Variants in IQSEC1 observed in about 807,000 individuals in gnomAD.
IQSEC1 encodes the protein IQ motif and Sec7 domain ArfGEF 1, also known as IQ motif and SEC7 domain-containing protein 1.
A neutral mutation model predicts 91.0 loss-of-function variants in IQSEC1; 31 were observed. The ratio of observed to expected loss-of-function variants is 0.34; its 90% CI spans 0.26 to 0.46. The LOEUF (loss-of-function observed/expected upper bound fraction) is 0.46, where lower values mean the gene tolerates loss of function less well. Ranked by LOEUF, IQSEC1 falls within the 20% of genes least tolerant of loss-of-function variation. The pLI is 1.00. For synonymous variants in IQSEC1, 699 were observed against 662.6 expected, an observed-to-expected ratio of 1.05 and a Z score of -0.84; for missense variants, 1,388 against 1,575.6, an observed-to-expected ratio of 0.88 and a Z score of 2.02.
chr3:13,122,489 G>A (rs1408205693), intron 2 of IQSEC1, among the ~76,000 whole-genome samples: 1 of 152,088 alleles, frequency 6.6e-6, no homozygotes, highest in East Asian at 1.9e-4. Flanking sequence ...AGGAAGTGAG[G>A]GGTATGGGAT....
At chr3:13,253,049 T>C (rs914194520) in intron 1 of IQSEC1, among the ~76,000 whole-genome samples, 13 of 152,204 alleles carry the variant, frequency 8.5e-5, no homozygotes, top group Non-Finnish European at 1.5e-5. Flanking sequence ...ATCTACGTTT[T>C]TGATAGTAGC....
intron 1 of IQSEC1, chr3:13,015,636 G>GCGGCCC (rs1703089594): frequency 1.0e-6 from 1 of 985,204 alleles, no homozygotes; most frequent in Admixed American, 6.1e-5. Context: ...GCCTGCCTCT[G>GCGGCCC]CGGCCCCGGG....
chr3:13,243,549 C>G (rs540410670), intron 1 of IQSEC1, among the ~76,000 whole-genome samples: 1 of 152,344 alleles, frequency 6.6e-6, no homozygotes, highest in East Asian at 1.9e-4. Context: ...CCCACCCCAT[C>G]TCTGTCTCTC....
At position 12,898,534 on chromosome 3, in the gene IQSEC1, G is replaced by GA. The variant is rs1160699491; in HGVS notation, c.*2448dup. 1 of 152,204 alleles carries GA rather than the reference G, an allele frequency of 6.6e-6. No individual in the cohort carries two copies. Among genetic ancestry groups the GA allele is most frequent in the Non-Finnish European group, 1.5e-5 (1 of 68,060 alleles). The allele number at this position is 152,204 out of a possible 1,614,324, so 9.4% of individuals were successfully genotyped here. On this transcript the variant is annotated 3_prime_UTR_variant, in exon 14 of 14. Transcript: ENST00000613206. Reference sequence around the variant, plus strand: ...GTGGAGCTTGCAGGATGGCGATGGAGAGGGAGAGTTTCCTGAAAGCCCCTC... The same window carrying GA: ...GTGGAGCTTGCAGGATGGCGATGGAGAAGGGAGAGTTTCCTGAAAGCCCCTC...
Position 12,914,959 on chromosome 3 carries a change from A to G in IQSEC1, c.2190+145T>C, listed in dbSNP as rs371167594. 83 of 774,254 alleles carry G rather than the reference A, an allele frequency of 1.1e-4. 1 individual carries two copies. The highest frequency in any genetic ancestry group is 7.0e-4 in the East Asian group (26 of 37,190). 48.0% of individuals were successfully genotyped at this position (774,254 alleles called of 1,614,324 possible). On this transcript the variant is annotated intron_variant, in intron 8 of 13. Transcript: ENST00000613206. ...GAGATCTGAGGCTGGGGTAATTACG[A>G]ACATCTGATTCTCAGCACCCCAGCA... is the stretch of plus-strand genomic sequence containing the variant.
intron 1 of IQSEC1, among the ~76,000 whole-genome samples, chr3:13,216,011 A>G (rs1694539462): frequency 6.6e-6 from 1 of 152,186 alleles, no homozygotes; most frequent in African/African-American, 2.4e-5. Flanking sequence ...TCCAGACACC[A>G]TGTGCAGGGG....
Position 12,935,988 on chromosome 3 carries a change from G to A in IQSEC1, c.1028C>T (p.Thr343Met), listed in dbSNP as rs765723607. Residue 343 changes from threonine (T) to methionine (M), a missense_variant, in exon 3 of 14, where the codon ACG (threonine) becomes ATG (methionine). Physicochemically the swap from Thr to Met is moderately conservative, Grantham distance 81. This residue lies in a region of IQSEC1 where 1,059 missense variants were observed against 1,317.8 expected (regional missense o/e 0.80). Transcript: ENST00000613206. The surrounding 1 kb of genome is among the most constrained non-coding windows in gnomAD (Gnocchi z 8.0). ...CAGCGACGGCGTGCTCCGGCAGCTC[G>A]TGTCCGTGTCAGCCTTGTCCTCTTT... ...AHKEDKADTD[T>M]SCRSTPSLER... 9.4e-6 allele frequency: 15 copies of A among 1,599,758 alleles called. No homozygotes were observed. The highest frequency in any genetic ancestry group is 3.4e-4 in the Middle Eastern group (2 of 5,876).
intron 1 of IQSEC1, among the ~76,000 whole-genome samples, chr3:12,965,461 C>G (rs1700502654): frequency 6.6e-6 from 1 of 152,222 alleles, no homozygotes; most frequent in Admixed American, 6.5e-5. Flanking sequence ...TCTACCCCTC[C>G]CCCAAGCTTC....
intron 1 of IQSEC1, among the ~76,000 whole-genome samples, chr3:12,956,908 C>G (rs1208650364): frequency 6.6e-6 from 1 of 152,204 alleles, no homozygotes; most frequent in African/African-American, 2.4e-5. Flanking sequence ...CCAACGGGAG[C>G]GTGGGAATCG....
intron 2 of IQSEC1, among the ~76,000 whole-genome samples, chr3:13,079,008 A>G (rs983097782): frequency 6.6e-6 from 1 of 152,256 alleles, no homozygotes; most frequent in Non-Finnish European, 1.5e-5. Context: ...ACCAATAAAC[A>G]TTCAAAGAAG....
chr3:13,223,238 G>A (rs549960252), intron 1 of IQSEC1, among the ~76,000 whole-genome samples: 19 of 152,320 alleles, frequency 1.2e-4, no homozygotes, highest in Admixed American at 3.9e-4. Context: ...CTTCTTCCCA[G>A]TTAGAGGCAT....
Position 13,185,180 on chromosome 3 carries a change from G to A in IQSEC1, c.273-21047C>T, listed in dbSNP as rs369690416. Among the ~76,000 whole-genome samples the A allele has an allele frequency of 2.8e-4, 43 of 152,302 alleles. No individual in the cohort carries two copies. The Middle Eastern group carries it at 0.014, about 48-fold the overall frequency. ...AATCCTGGTCCTGCTGTGACCTGCGGCCTGACCTTACGCAAGTGGCTTGAC... is the reference window on the plus strand; with the variant it reads ...AATCCTGGTCCTGCTGTGACCTGCGACCTGACCTTACGCAAGTGGCTTGAC... On this transcript the variant is annotated intron_variant, in intron 1 of 15. Transcript: ENST00000648114.
intron 12 of IQSEC1, among the ~76,000 whole-genome samples, chr3:12,904,154 G>C (rs1307536413): frequency 1.3e-5 from 2 of 152,222 alleles, no homozygotes; most frequent in Non-Finnish European, 2.9e-5. Flanking sequence ...TGTGGGCTTC[G>C]AGCCTCCCCG....
chr3:13,154,760 A>G (rs920735273), intron 2 of IQSEC1, among the ~76,000 whole-genome samples: 2 of 151,956 alleles, frequency 1.3e-5, no homozygotes, highest in African/African-American at 2.4e-5. Flanking sequence ...AAAATAGCCT[A>G]CAAAGTAACT....
chr3:12,931,545 A>G (rs1575950162), intron 3 of IQSEC1, among the ~76,000 whole-genome samples: 1 of 152,198 alleles, frequency 6.6e-6, no homozygotes, highest in Non-Finnish European at 1.5e-5. Flanking sequence ...GGCTCTGCTC[A>G]CTGCTATTTT....
At chr3:12,966,953 G>A (rs1431145060) in intron 1 of IQSEC1, among the ~76,000 whole-genome samples, 1 of 152,118 alleles carries the variant, frequency 6.6e-6, no homozygotes, top group African/African-American at 2.4e-5. Context: ...GTTGGAAACA[G>A]GCACAGACCC....
intron 2 of IQSEC1, among the ~76,000 whole-genome samples, chr3:13,087,429 C>T (rs1037662623): frequency 6.6e-6 from 1 of 152,056 alleles, no homozygotes; most frequent in African/African-American, 2.4e-5. Context: ...GCAGACAAGC[C>T]CCTTCGCTTC....
chr3:13,271,340 G>A (rs1695587777), intron 1 of IQSEC1, among the ~76,000 whole-genome samples: 1 of 152,044 alleles, frequency 6.6e-6, no homozygotes, highest in South Asian at 2.1e-4. Context: ...TGGCACCACT[G>A]TACTCCAGCC....
Position 12,983,949 on chromosome 3 carries a change from A to C in IQSEC1, c.24-42084T>G, listed in dbSNP as rs1367449581. The stretch of plus-strand genomic sequence containing the variant: ...CTTCAAGGGGGCAGGCAGAGAGGTA[A>C]GGGCCTTTCATACGTGGGTTCTGGG... On this transcript the variant is annotated intron_variant, in intron 1 of 13. Transcript: ENST00000613206. The surrounding 1 kb of genome is among the most constrained non-coding windows in gnomAD (Gnocchi z 4.3). 6.6e-6 allele frequency among the ~76,000 whole-genome samples: 1 copy of C among 152,218 alleles called. No individual in the cohort carries two copies. The highest frequency in any genetic ancestry group is 1.5e-5 in the Non-Finnish European group (1 of 68,046).
Sources: gnomAD v4.1 joint callset for allele counts (sites outside exome capture counted in the v4.1 genomes callset) on GRCh38, gnomAD v4.1.1 for gene constraint, gnomAD v4.1.1 regional missense constraint, Gnocchi (gnomAD v3.1) non-coding constraint, MANE v1.5 for transcripts, NCBI Gene and HGNC (gene_info 2026-07-23, HGNC 2026-07-21) for gene names.